The following IL13 variants were observed in gnomAD, a reference collection of about 807,000 sequenced individuals.
IL13 encodes the protein interleukin 13.
In IL13, 9 loss-of-function variants were observed where a neutral mutation model predicts 11.1. The ratio of observed to expected loss-of-function variants is 0.81; its 90% CI spans 0.49 to 1.42. IL13 has a LOEUF of 1.42. Among genes scored for constraint, IL13 ranks in the 40% most tolerant of loss-of-function variants. IL13 has a pLI of 0.00. For missense variants in IL13, 181 were observed against 182.5 expected, an observed-to-expected ratio of 0.99 and a Z score of 0.05; for synonymous variants, 75 against 76.9, an observed-to-expected ratio of 0.97 and a Z score of 0.13.
chr5:132,658,180 C>A lies in IL13; in HGVS notation c.-7C>A, dbSNP rs1427423739. 1 of 1,584,656 alleles carries A rather than the reference C, an allele frequency of 6.3e-7. No individual in the cohort carries two copies. Among genetic ancestry groups the A allele is most frequent in the East Asian group, 2.3e-5 (1 of 44,368 alleles). On this transcript the variant is annotated 5_prime_UTR_variant, in exon 1 of 4. Transcript: ENST00000304506. ...ACAAGACGCCAAGGCCACAAGCCACCCAGCCTATGCATCCGCTCCTCAATC... is the reference window on the plus strand; with the variant it reads ...ACAAGACGCCAAGGCCACAAGCCACACAGCCTATGCATCCGCTCCTCAATC...
At chr5:132,658,117 GGT>G, upstream of IL13, 1 of 770,576 alleles carries the variant, frequency 1.3e-6, no homozygotes, top group South Asian at 1.7e-5. Context: ...CAGAGACCAT[GGT>G]GTCAGGCGTC....
intron 1 of IL13, chr5:132,658,570 A>C: frequency 6.4e-6 from 3 of 465,510 alleles, no homozygotes; most frequent in Non-Finnish European, 1.1e-5. Context: ...TGTCTGGCAG[A>C]CTCCCCAGGG....
intron 1 of IL13, 120 bp downstream of exon 1, chr5:132,658,480 A>C: frequency 9.8e-6 from 6 of 611,274 alleles, no homozygotes; most frequent in Non-Finnish European, 1.7e-5. Context: ...AAAAATCTCC[A>C]TGGACCAAGG....
rs200913948 is a variant in IL13 at position 132,659,747 on chromosome 5, G to C, written c.252G>C (p.Leu84=). 1.4e-5 allele frequency: 23 copies of C among 1,613,852 alleles called. No individual in the cohort carries two copies. In the Admixed American group the frequency reaches 1.5e-4, roughly 11 times the overall value. The stretch of plus-strand genomic sequence containing the variant: ...AGTACTGTGCAGCCCTGGAATCCCT[G>C]ATCAACGTGTCAGGCTGCAGTGCCA... ...AGMYCAALES[L]INVSGCSAIE... The change falls in exon 3 of 4, where the codon CTG becomes CTC. Residue 84 remains leucine, a synonymous_variant. Transcript: ENST00000304506. The surrounding 1 kb of genome is among the most constrained non-coding windows in gnomAD (Gnocchi z 4.1).
In IL13 at chr5:132,659,798, C is replaced by A; in HGVS notation, c.303C>A (p.Ser101Arg). Residue 101 changes from serine to arginine, a missense_variant, in exon 3 of 4, where the codon AGC becomes AGA. By Grantham distance (110) the Ser-to-Arg change is moderately radical (BLOSUM62 -1). Coordinates refer to ENST00000304506, the MANE Select transcript of IL13 (RefSeq NM_002188.3). The surrounding 1 kb of genome is among the most constrained non-coding windows in gnomAD (Gnocchi z 4.1). Reference protein sequence around the residue: ...SAIEKTQRMLSGFCPHKVSAG... With the variant: ...SAIEKTQRMLRGFCPHKVSAG... ...TCGAGAAGACCCAGAGGATGCTGAG[C>A]GGATTCTGCCCGCACAAGGTCTCAG... The A allele has an allele frequency of 1.2e-6, 2 of 1,613,824 alleles. No individual in the cohort carries two copies. Among genetic ancestry groups the A allele is most frequent in the Non-Finnish European group, 1.7e-6 (2 of 1,179,994 alleles).
In IL13 at chr5:132,660,288, C is replaced by A. The variant is rs767198237; in HGVS notation, c.*6C>A. On this transcript the variant is annotated 3_prime_UTR_variant, in exon 4 of 4. Transcript: ENST00000304506. The stretch of plus-strand genomic sequence containing the variant: ...GCGAGGGACAGTTCAACTGAAACTT[C>A]GAAAGCATCATTATTTGCAGAGACA... The A allele has an allele frequency of 3.1e-6, 5 of 1,613,228 alleles. No homozygotes were observed. In the South Asian group the frequency reaches 3.3e-5, roughly 11 times the overall value.
chr5:132,658,149 G>T, upstream of IL13: 1 of 1,392,258 alleles, frequency 7.2e-7, no homozygotes, highest in Non-Finnish European at 9.9e-7. Context: ...GCCTATAAAA[G>T]CTGCCACAAG....
chr5:132,657,163 A>C (rs1002523322), upstream of IL13: 2 of 154,660 alleles, frequency 1.3e-5, no homozygotes, highest in African/African-American at 4.8e-5. Flanking sequence ...GGCCAAGCCC[A>C]GGAGCCGCCC....
Position 132,659,372 on chromosome 5 carries a change from C to G in IL13, c.175-46C>G. The G allele has an allele frequency of 6.8e-7, 1 of 1,475,560 alleles. No individual in the cohort carries two copies. Among genetic ancestry groups the G allele is most frequent in the Non-Finnish European group, 9.4e-7 (1 of 1,068,796 alleles). The allele number at this position is 1,475,560 out of a possible 1,614,324, so 91.4% of individuals were successfully genotyped here. ...CTGGCCTGGGCTGCCAGGGCAGGCCCACAACCCCTGCCAGCACTCTGCTCA... is the reference window on the plus strand; with the variant it reads ...CTGGCCTGGGCTGCCAGGGCAGGCCGACAACCCCTGCCAGCACTCTGCTCA... On this transcript the variant is annotated intron_variant, in intron 1 of 3. Coordinates refer to ENST00000304506, the MANE Select transcript of IL13 (RefSeq NM_002188.3). The surrounding 1 kb of genome is among the most constrained non-coding windows in gnomAD (Gnocchi z 4.1).
intron 1 of IL13, 53 bp downstream of exon 1, chr5:132,658,413 T>G: frequency 8.9e-7 from 1 of 1,123,180 alleles, no homozygotes; most frequent in South Asian, 1.4e-5. Context: ...GGTGGGTGAT[T>G]CCCAAGATGA....
chr5:132,658,986 T>C, intron 1 of IL13: 1 of 215,518 alleles, frequency 4.6e-6, no homozygotes, highest in Non-Finnish European at 9.6e-6. Context: ...TCCATGCTCC[T>C]AACTGCAGTG....
chr5:132,659,792 G>C lies in IL13; in HGVS notation c.297G>C (p.Met99Ile). Residue 99 changes from methionine to isoleucine, a missense_variant, in exon 3 of 4, where the codon ATG becomes ATC. Coordinates refer to ENST00000304506, the MANE Select transcript of IL13 (RefSeq NM_002188.3). The surrounding 1 kb of genome is among the most constrained non-coding windows in gnomAD (Gnocchi z 4.1). ...GCSAIEKTQR[M>I]LSGFCPHKVS... Reference sequence around the variant, plus strand: ...GTGCCATCGAGAAGACCCAGAGGATGCTGAGCGGATTCTGCCCGCACAAGG... The same window carrying C: ...GTGCCATCGAGAAGACCCAGAGGATCCTGAGCGGATTCTGCCCGCACAAGG... The C allele has an allele frequency of 6.2e-7, 1 of 1,613,894 alleles. No homozygotes were observed. The highest frequency in any genetic ancestry group is 8.5e-7 in the Non-Finnish European group (1 of 1,180,012).
In IL13 at chr5:132,660,211, G is replaced by A. The variant is rs375653129; in HGVS notation, c.370G>A (p.Glu124Lys). The A allele has an allele frequency of 2.6e-5, 42 of 1,614,034 alleles. No homozygotes were observed. Among genetic ancestry groups the A allele is most frequent in the Non-Finnish European group, 3.1e-5 (36 of 1,180,026 alleles). Residue 124 changes from glutamate to lysine, a missense_variant, in exon 4 of 4, where the codon GAG becomes AAG. Physicochemically the swap from Glu to Lys is moderately conservative, Grantham distance 56. Transcript: ENST00000304506. ...SSLHVRDTKI[E>K]VAQFVKDLLL... ...CTTGCATGTCCGAGACACCAAAATC[G>A]AGGTGGCCCAGTTTGTAAAGGACCT...
At chr5:132,658,094 G>A (rs1752072355), upstream of IL13, 1 of 669,060 alleles carries the variant, frequency 1.5e-6, no homozygotes, top group Non-Finnish European at 2.6e-6. Context: ...TTTCTAGATA[G>A]TGCCTGAAAA....
Position 132,660,561 on chromosome 5 carries a change from T to G in IL13, c.*279T>G. 2.6e-6 allele frequency: 1 copy of G among 386,474 alleles called. No homozygotes were observed. The highest frequency in any genetic ancestry group is 4.8e-6 in the Non-Finnish European group (1 of 209,058). 23.9% of individuals were successfully genotyped at this position (386,474 alleles called of 1,614,324 possible). A position where few individuals can be genotyped will look rare whatever the true frequency, so the allele number is the denominator to read the frequency against. ...ATGTCCCTACACCCCTCCCCTGCCC[T>G]AGAGCACACTGTAGCATTACAGTGG... On this transcript the variant is annotated 3_prime_UTR_variant, in exon 4 of 4. Coordinates refer to ENST00000304506, the MANE Select transcript of IL13 (RefSeq NM_002188.3).
Position 132,660,474 on chromosome 5 carries a change from A to G in IL13, c.*192A>G. On this transcript the variant is annotated 3_prime_UTR_variant, in exon 4 of 4. Transcript: ENST00000304506. Reference sequence around the variant, plus strand: ...GCCGACCTCAGCCTTCCCCTTGCCCAGGGCTCAGCCTGGTGGGCCTCCTCT... The same window carrying G: ...GCCGACCTCAGCCTTCCCCTTGCCCGGGGCTCAGCCTGGTGGGCCTCCTCT... 1 of 992,352 alleles carries G rather than the reference A, an allele frequency of 1.0e-6. No individual in the cohort carries two copies. The highest frequency in any genetic ancestry group is 1.4e-6 in the Non-Finnish European group (1 of 714,210). 61.5% of individuals were successfully genotyped at this position (992,352 alleles called of 1,614,324 possible). A position where few individuals can be genotyped will look rare whatever the true frequency, so the allele number is the denominator to read the frequency against.
chr5:132,659,732 A>G lies in IL13; in HGVS notation c.237A>G (p.Ala79=). Residue 79 remains alanine, a synonymous_variant, in exon 3 of 4, where the codon GCA becomes GCG. Transcript: ENST00000304506. The surrounding 1 kb of genome is among the most constrained non-coding windows in gnomAD (Gnocchi z 4.1). ...SINLTAGMYC[A]ALESLINVSG... is the part of the protein sequence containing the mutation. ...GTGTCCCCTCCCCACAGTACTGTGC[A>G]GCCCTGGAATCCCTGATCAACGTGT... 1 of 1,613,864 alleles carries G rather than the reference A, an allele frequency of 6.2e-7. No individual in the cohort carries two copies. Among genetic ancestry groups the G allele is most frequent in the East Asian group, 2.2e-5 (1 of 44,864 alleles).
At position 132,659,714 on chromosome 5, in the gene IL13, C is replaced by T. The variant is rs200212730; in HGVS notation, c.229-10C>T. 1.4e-5 allele frequency: 23 copies of T among 1,613,352 alleles called. No individual in the cohort carries two copies. The highest frequency in any genetic ancestry group is 1.9e-5 in the Non-Finnish European group (22 of 1,179,638). On this transcript the variant is annotated splice_polypyrimidine_tract_variant and intron_variant, in intron 2 of 3. Coordinates refer to ENST00000304506, the MANE Select transcript of IL13 (RefSeq NM_002188.3). This position sits in a 1 kb window ranked among gnomAD's most constrained non-coding sequence, Gnocchi z 4.1. ...GCAGGGCCTGACCCCTCGGTGTCCC[C>T]TCCCCACAGTACTGTGCAGCCCTGG...
upstream of IL13, chr5:132,656,524 G>T (rs1752031996): frequency 6.6e-6 from 1 of 152,422 alleles, no homozygotes; most frequent in Non-Finnish European, 1.5e-5. Flanking sequence ...CTTCTCCCAC[G>T]CGCGGGGGCG....
Sources: gnomAD v4.1 joint callset for allele counts on GRCh38, gnomAD v4.1.1 for gene constraint, Gnocchi (gnomAD v3.1) non-coding constraint, MANE v1.5 for transcripts, NCBI Gene and HGNC (gene_info 2026-07-23, HGNC 2026-07-21) for gene names.